ANO6: variants seen among roughly 807,000 people sequenced by gnomAD.
The protein encoded by ANO6 is anoctamin-6.
ANO6 carries 106 observed loss-of-function variants against 117.5 expected under a neutral mutation model. That is an observed-to-expected ratio of 0.90 (90% CI 0.77 to 1.06). The LOEUF (loss-of-function observed/expected upper bound fraction) is 1.06, where lower values mean the gene tolerates loss of function less well. Among genes scored for constraint, ANO6 ranks in the 50% least tolerant of loss-of-function variants. The pLI, the probability that ANO6 is intolerant of heterozygous loss-of-function variation, is 0.00. For missense variants in ANO6, 955 were observed against 1,121.1 expected (o/e 0.85, Z 2.12); for synonymous variants, 367 against 385.1 (o/e 0.95, Z 0.55).
intron 9 of ANO6, among the ~76,000 whole-genome samples, chr12:45,370,069 T>C (rs1216899338): frequency 1.3e-5 from 2 of 152,252 alleles, no homozygotes; most frequent in Non-Finnish European, 2.9e-5. Flanking sequence ...TCCTGCTCTA[T>C]GTGACTAAAG....
At position 45,239,714 on chromosome 12, in the gene ANO6, T is replaced by A. The variant is rs531598159; in HGVS notation, c.70+23323T>A. Among the ~76,000 whole-genome samples, 19 of 152,316 alleles carry A rather than the reference T, an allele frequency of 1.2e-4. No individual in the cohort carries two copies. In the South Asian group the frequency reaches 3.9e-3, roughly 32 times the overall value. Reference sequence around the variant, plus strand: ...TATAAATTTCCCTCTGCACACTGCTTTAAATGTGTCCCAGAGATTCTGGTA... The same window carrying A: ...TATAAATTTCCCTCTGCACACTGCTATAAATGTGTCCCAGAGATTCTGGTA... On this transcript the variant is annotated intron_variant, in intron 1 of 19. Coordinates refer to ENST00000320560, the MANE Select transcript of ANO6 (RefSeq NM_001025356.3).
At chr12:45,263,601 C>T (rs1938119274) in intron 1 of ANO6, among the ~76,000 whole-genome samples, 1 of 152,114 alleles carries the variant, frequency 6.6e-6, no homozygotes, top group Non-Finnish European at 1.5e-5. Context: ...TTGCCTGTTT[C>T]ACCTTAAACC....
At chr12:45,439,894 T>G (rs747298446) in exon 20 of ANO6, 1 of 1,525,894 alleles carries the variant, frequency 6.6e-7, no homozygotes, top group South Asian at 1.3e-5. Flanking sequence ...TCTACTTTCT[T>G]TGGGGCCAAC....
intron 5 of ANO6, 72 bp downstream of exon 5, chr12:45,348,387 T>TTG: frequency 6.2e-7 from 1 of 1,604,392 alleles, no homozygotes; most frequent in South Asian, 1.1e-5. Flanking sequence ...TTGGTTGGTT[T>TTG]GGTTTTATTT....
chr12:45,411,933 A>G (rs1943096998), intron 16 of ANO6, among the ~76,000 whole-genome samples: 1 of 148,262 alleles, frequency 6.7e-6, no homozygotes, highest in Non-Finnish European at 1.5e-5. Flanking sequence ...CTGGAACCTT[A>G]TACTCATAAA....
intron 1 of ANO6, among the ~76,000 whole-genome samples, chr12:45,301,255 G>A (rs1482988443): frequency 3.4e-5 from 5 of 147,994 alleles, no homozygotes; most frequent in African/African-American, 7.4e-5. Flanking sequence ...TTTTAAAAAC[G>A]TCTCTACTAG....
At chr12:45,248,829 T>C (rs1947862304) in intron 1 of ANO6, among the ~76,000 whole-genome samples, 1 of 152,212 alleles carries the variant, frequency 6.6e-6, no homozygotes, top group Non-Finnish European at 1.5e-5. Flanking sequence ...AAATAGTAGA[T>C]GTGGGTCCTC....
chr12:45,395,175 T>C (rs530079039), intron 12 of ANO6, among the ~76,000 whole-genome samples: 23 of 152,098 alleles, frequency 1.5e-4, no homozygotes, highest in Non-Finnish European at 2.6e-4. Context: ...ACTGATCCCA[T>C]AGAAATACAA....
intron 10 of ANO6, among the ~76,000 whole-genome samples, chr12:45,384,505 G>C (rs775976000): frequency 1.1e-4 from 16 of 152,114 alleles, no homozygotes; most frequent in Non-Finnish European, 1.5e-4. Flanking sequence ...GCTTTCACTT[G>C]AACACCTTGA....
rs1941263861 is a variant in ANO6, at chr12:45,350,905, C to T, written c.863+131C>T. Reference sequence around the variant, plus strand: ...GACCCAGAGTGCTGAGCTTCGTTGGCCAGGGTTTTTATTGAGGCTTAATTA... The same window carrying T: ...GACCCAGAGTGCTGAGCTTCGTTGGTCAGGGTTTTTATTGAGGCTTAATTA... On this transcript the variant is annotated intron_variant, in intron 7 of 19. Transcript: ENST00000320560. 3 of 748,594 alleles carry T rather than the reference C, an allele frequency of 4.0e-6. No individual in the cohort carries two copies. In the Admixed American group the frequency reaches 6.3e-5, roughly 16 times the overall value. The allele number at this position is 748,594 out of a possible 1,614,324, so 46.4% of individuals were successfully genotyped here. A position where few individuals can be genotyped will look rare whatever the true frequency, so the allele number is the denominator to read the frequency against.
intron 16 of ANO6, among the ~76,000 whole-genome samples, 197 bp downstream of exon 16, chr12:45,409,684 G>T (rs1943036045): frequency 6.6e-6 from 1 of 152,094 alleles, no homozygotes; most frequent in Non-Finnish European, 1.5e-5. Context: ...TATTTATGTT[G>T]TAAAAAGCTA....
chr12:45,408,274 G>T (rs759357085), intron 15 of ANO6, among the ~76,000 whole-genome samples: 4 of 152,208 alleles, frequency 2.6e-5, no homozygotes, highest in Non-Finnish European at 5.9e-5. Flanking sequence ...TGTTAGATCT[G>T]TATTTGGAGT....
At chr12:45,373,559 A>T in intron 9 of ANO6, among the ~76,000 whole-genome samples, 1 of 152,204 alleles carries the variant, frequency 6.6e-6, no homozygotes, top group African/African-American at 2.4e-5. Context: ...TAAGAAACTC[A>T]CTCAAAACCG....
At position 45,216,410 on chromosome 12, in the gene ANO6, C is replaced by T. The variant is rs1947311962; in HGVS notation, c.70+19C>T. 1.9e-6 allele frequency: 3 copies of T among 1,606,536 alleles called. No individual in the cohort carries two copies. Reference sequence around the variant, plus strand: ...GATATCGGTGAGCGAGGGGTCCCCGCGTCCCCACCCGAGAGCCCGAGCCGA... The same window carrying T: ...GATATCGGTGAGCGAGGGGTCCCCGTGTCCCCACCCGAGAGCCCGAGCCGA... On this transcript the variant is annotated intron_variant, in intron 1 of 19. Transcript: ENST00000320560.
intron 2 of ANO6, among the ~76,000 whole-genome samples, chr12:45,308,031 CTGTG>C (rs530448808): frequency 1.7e-5 from 2 of 117,702 alleles, no homozygotes; most frequent in Non-Finnish European, 3.4e-5. Context: ...GTGTGTGTGT[CTGTG>C]TGTGTGTGTG....
intron 3 of ANO6, among the ~76,000 whole-genome samples, chr12:45,345,088 T>C (rs1275187052): frequency 6.6e-6 from 1 of 152,216 alleles, no homozygotes; most frequent in Non-Finnish European, 1.5e-5. Context: ...CCTCTGCTAC[T>C]CTATTGTATG....
At chr12:45,351,555 A>G (rs1230292328) in intron 7 of ANO6, among the ~76,000 whole-genome samples, 2 of 152,148 alleles carry the variant, frequency 1.3e-5, no homozygotes, top group African/African-American at 4.8e-5. Context: ...GAGCAATAGG[A>G]TGGGAGGGCA....
chr12:45,414,186 T>C (rs1943156807), intron 16 of ANO6, among the ~76,000 whole-genome samples: 1 of 151,764 alleles, frequency 6.6e-6, no homozygotes, highest in African/African-American at 2.4e-5. Flanking sequence ...AAAACTCAAC[T>C]GTAACATGTA....
At chr12:45,344,578 A>C (rs1463635086) in intron 3 of ANO6, among the ~76,000 whole-genome samples, 1 of 152,122 alleles carries the variant, frequency 6.6e-6, no homozygotes, top group Non-Finnish European at 1.5e-5. Flanking sequence ...CAAGGGGGGA[A>C]ATCCGCCCCC....
Sources: allele counts gnomAD v4.1 joint callset (sites outside exome capture counted in the v4.1 genomes callset), GRCh38; gene constraint gnomAD v4.1.1; transcripts MANE v1.5; gene names NCBI Gene and HGNC (gene_info 2026-07-23, HGNC 2026-07-21).